The following SHANK2 variants were observed in gnomAD, a reference collection of about 807,000 sequenced individuals.
SHANK2 encodes the protein SH3 and multiple ankyrin repeat domains protein 2.
Under a neutral mutation model 133.7 loss-of-function variants are expected in SHANK2, and 43 were observed. The ratio of observed to expected loss-of-function variants is 0.32; its 90% CI spans 0.25 to 0.41. SHANK2 has a LOEUF of 0.41. Among genes scored for constraint, SHANK2 ranks in the 10% least tolerant of loss-of-function variants. The pLI is 1.00. For missense variants in SHANK2, 1,994 were observed against 2,235.8 expected (o/e 0.89, Z 2.18); for synonymous variants, 1,017 against 952.8 (o/e 1.07, Z -1.24).
At chr11:71,106,275 A>C (rs1179463002) in intron 6 of SHANK2, among the ~76,000 whole-genome samples, 1 of 152,232 alleles carries the variant, frequency 6.6e-6, no homozygotes, top group Non-Finnish European at 1.5e-5. Context: ...CCAGGAGAGA[A>C]CTGATTCCAT....
chr11:70,666,316 C>A (rs2134302612), intron 15 of SHANK2, among the ~76,000 whole-genome samples: 1 of 152,266 alleles, frequency 6.6e-6, no homozygotes, highest in East Asian at 1.9e-4. Flanking sequence ...AAGAGACATT[C>A]CTTGAAAGGA....
At chr11:71,065,864 G>A (rs1311348916) in intron 9 of SHANK2, among the ~76,000 whole-genome samples, 120 of 100,162 alleles carry the variant, frequency 1.2e-3, no homozygotes, top group South Asian at 1.6e-3. Flanking sequence ...GGAGATGAGC[G>A]GTGAGTGGGG....
intron 19 of SHANK2, 47 bp from the exon 20 acceptor site, chr11:70,501,978 A>G: frequency 6.5e-7 from 1 of 1,548,618 alleles, no homozygotes; most frequent in Non-Finnish European, 8.7e-7. Context: ...TTAGATAAAC[A>G]GAAAAGAGGA....
intron 17 of SHANK2, among the ~76,000 whole-genome samples, chr11:70,640,956 C>T (rs2061170730): frequency 6.6e-6 from 1 of 152,210 alleles, no homozygotes; most frequent in African/African-American, 2.4e-5. Flanking sequence ...TCGCTTGAGG[C>T]CTGAAGGTTC....
chr11:70,653,433 C>T (rs1258223086), intron 17 of SHANK2, among the ~76,000 whole-genome samples: 2 of 151,508 alleles, frequency 1.3e-5, no homozygotes, highest in African/African-American at 2.4e-5. Flanking sequence ...TTTAAAATAC[C>T]AGCCCAAGAA....
chr11:70,546,122 G>C (rs1554976366), intron 17 of SHANK2, among the ~76,000 whole-genome samples: 1 of 70,680 alleles, frequency 1.4e-5, no homozygotes, highest in Non-Finnish European at 2.8e-5. Context: ...TTTTTTTGTA[G>C]AGATGGGGGT....
At chr11:71,251,622 G>A (rs1215874156) in intron 1 of SHANK2, among the ~76,000 whole-genome samples, 1 of 151,396 alleles carries the variant, frequency 6.6e-6, no homozygotes, top group African/African-American at 2.4e-5. Flanking sequence ...CGAGCGCGCC[G>A]GTGCCAGCTT....
intron 11 of SHANK2, among the ~76,000 whole-genome samples, chr11:70,845,382 T>C (rs1203652453): frequency 1.3e-5 from 2 of 152,100 alleles, no homozygotes; most frequent in Non-Finnish European, 2.9e-5. Flanking sequence ...CAGAACAGAA[T>C]AGTTTCTCCT....
chr11:70,951,286 T>C (rs921190330), intron 10 of SHANK2, among the ~76,000 whole-genome samples: 1 of 151,598 alleles, frequency 6.6e-6, no homozygotes, highest in African/African-American at 2.4e-5. Context: ...TCGTTTCCCC[T>C]GGTTGCTGTG....
At chr11:70,513,900 T>A (rs2059235640) in intron 17 of SHANK2, among the ~76,000 whole-genome samples, 1 of 151,890 alleles carries the variant, frequency 6.6e-6, no homozygotes, top group Admixed American at 6.5e-5. Context: ...AACGAGAGTC[T>A]CAGAAGGGGG....
intron 11 of SHANK2, among the ~76,000 whole-genome samples, chr11:70,890,869 C>A (rs1555074537): frequency 6.6e-6 from 1 of 150,674 alleles, no homozygotes; most frequent in East Asian, 2.0e-4. Flanking sequence ...GGGGCTGAGG[C>A]AGGAGAATCG....
Position 71,118,691 on chromosome 11 carries a change from C to G in SHANK2, c.411+138G>C, listed in dbSNP as rs1226169434. On this transcript the variant is annotated intron_variant, in intron 4 of 25. Coordinates refer to ENST00000601538, the MANE Select transcript of SHANK2 (RefSeq NM_012309.5). ...CAAATCATATCAAACCTCAAGACCCCAGACTGATTTTTAAATGTGGGGATA... is the reference window on the plus strand; with the variant it reads ...CAAATCATATCAAACCTCAAGACCCGAGACTGATTTTTAAATGTGGGGATA... 7 of 776,152 alleles carry G rather than the reference C, an allele frequency of 9.0e-6. No homozygotes were observed. The African/African-American group carries it at 1.1e-4, about 12-fold the overall frequency. The allele number at this position is 776,152 out of a possible 1,614,324, so 48.1% of individuals were successfully genotyped here.
intron 1 of SHANK2, among the ~76,000 whole-genome samples, chr11:71,237,639 AG>A (rs1555123893): frequency 6.6e-6 from 1 of 152,180 alleles, no homozygotes; most frequent in African/African-American, 2.4e-5. Flanking sequence ...TGGCACTTAC[AG>A]GGAGGTTCCG....
intron 14 of SHANK2, among the ~76,000 whole-genome samples, chr11:70,737,444 T>C (rs2134773264): frequency 6.6e-6 from 1 of 152,200 alleles, no homozygotes; most frequent in Admixed American, 6.5e-5. Flanking sequence ...CTGGCCTTCT[T>C]TGAGATCTGT....
chr11:71,200,560 T>G (rs1953998566), intron 2 of SHANK2, among the ~76,000 whole-genome samples: 1 of 152,138 alleles, frequency 6.6e-6, no homozygotes, highest in African/African-American at 2.4e-5. Flanking sequence ...TTGACTTCAC[T>G]CTACATTTGA....
chr11:70,726,865 G>A (rs1190920483), intron 14 of SHANK2, among the ~76,000 whole-genome samples: 1 of 152,228 alleles, frequency 6.6e-6, no homozygotes, highest in Non-Finnish European at 1.5e-5. Context: ...CTGGAAGGCT[G>A]TACAGCTGCC....
At chr11:70,874,674 TAAA>T (rs34587004) in intron 11 of SHANK2, among the ~76,000 whole-genome samples, 39 of 114,174 alleles carry the variant, frequency 3.4e-4, no homozygotes, top group African/African-American at 1.3e-3. Flanking sequence ...CTGCATTTAC[TAAA>T]AAAAAAAAAA....
chr11:71,090,069 G>T (rs1951479294), intron 8 of SHANK2, among the ~76,000 whole-genome samples: 2 of 146,676 alleles, frequency 1.4e-5, no homozygotes, highest in African/African-American at 5.1e-5. Context: ...ATCAGTCAGG[G>T]TTCTACAGAG....
intron 14 of SHANK2, among the ~76,000 whole-genome samples, chr11:70,707,438 T>G (rs1032117126): frequency 6.7e-5 from 10 of 149,050 alleles, no homozygotes; most frequent in African/African-American, 2.5e-4. Context: ...GACAGGGTCC[T>G]GTGAGCATGC....
Sources: allele counts gnomAD v4.1 joint callset (sites outside exome capture counted in the v4.1 genomes callset), GRCh38; gene constraint gnomAD v4.1.1; transcripts MANE v1.5; gene names NCBI Gene and HGNC (gene_info 2026-07-23, HGNC 2026-07-21).